The following CCDC149 variants were observed in gnomAD, a reference collection of about 807,000 sequenced individuals.
CCDC149 encodes the protein coiled-coil domain containing 149, also known as coiled-coil domain-containing protein 149.
CCDC149 carries 45 observed loss-of-function variants against 59.9 expected under a neutral mutation model. The observed-to-expected ratio is 0.75, with a 90% CI of 0.59 to 0.96. The LOEUF is 0.96. CCDC149 is among the 40% of genes least tolerant of loss of function. CCDC149 has a pLI of 0.00. For missense variants in CCDC149, 584 were observed against 664.7 expected (o/e 0.88, Z 1.33); for synonymous variants, 245 against 260.6 (o/e 0.94, Z 0.58).
At chr4:24,834,867 C>A in intron 8 of CCDC149, 81 bp downstream of exon 8, 2 of 1,040,916 alleles carry the variant, frequency 1.9e-6, no homozygotes, top group Non-Finnish European at 1.4e-6. Context: ...ACCACAAAAG[C>A]AGCAGCCTGG....
At chr4:24,939,105 G>T (rs1722870850) in intron 1 of CCDC149, among the ~76,000 whole-genome samples, 1 of 152,226 alleles carries the variant, frequency 6.6e-6, no homozygotes, top group South Asian at 2.1e-4. Flanking sequence ...CCTCAAGTGG[G>T]TCCCTGACCC....
intron 3 of CCDC149, among the ~76,000 whole-genome samples, chr4:24,856,084 C>T (rs1438489312): frequency 1.3e-5 from 2 of 152,348 alleles, no homozygotes; most frequent in African/African-American, 2.4e-5. Flanking sequence ...AGGTGGGTTA[C>T]CTCCCTCAAC....
At chr4:24,909,677 T>C (rs1721757895) in intron 1 of CCDC149, among the ~76,000 whole-genome samples, 1 of 152,188 alleles carries the variant, frequency 6.6e-6, no homozygotes, top group Non-Finnish European at 1.5e-5. Context: ...GATAATTGAA[T>C]CATGGGGCTA....
chr4:24,914,385 G>C (rs1161479585), upstream of CCDC149, among the ~76,000 whole-genome samples: 1 of 120,226 alleles, frequency 8.3e-6, no homozygotes, highest in East Asian at 2.5e-4. Context: ...TGTGTTACCA[G>C]AAAAAAAAAA....
chr4:24,874,244 G>GT lies in CCDC149; in HGVS notation c.226-526dup, dbSNP rs5856868. Among the ~76,000 whole-genome samples the GT allele has an allele frequency of 1.3e-3, 114 of 87,470 alleles. 8 individuals are homozygous for GT. Among genetic ancestry groups the GT allele is most frequent in the Middle Eastern group, 6.0e-3 (1 of 168 alleles). The allele number at this position is 87,470 out of a possible 152,430, so 57.4% of individuals were successfully genotyped here. On this transcript the variant is annotated intron_variant, in intron 2 of 12. Coordinates refer to ENST00000635206, the MANE Select transcript of CCDC149 (RefSeq NM_001330643.2). ...GAGAACTTCTAGTCCTATTAGATTT[G>GT]TTTTTTTTTTTTTTTGTTTTGTTTT... is the stretch of plus-strand genomic sequence containing the variant.
chr4:24,823,824 C>A (rs1012274297), intron 9 of CCDC149, among the ~76,000 whole-genome samples: 11 of 152,170 alleles, frequency 7.2e-5, no homozygotes, highest in African/African-American at 2.4e-4. Flanking sequence ...TTCTTTTCTT[C>A]TTTTCCCTAA....
intron 3 of CCDC149, among the ~76,000 whole-genome samples, chr4:24,872,399 C>A (rs758366222): frequency 2.6e-5 from 4 of 151,144 alleles, no homozygotes; most frequent in Non-Finnish European, 4.4e-5. Flanking sequence ...ATGTACCTAC[C>A]AAATGGTATA....
intron 1 of CCDC149, among the ~76,000 whole-genome samples, chr4:24,896,456 G>A (rs547008779): frequency 2.0e-5 from 3 of 152,314 alleles, no homozygotes; most frequent in South Asian, 2.1e-4. Flanking sequence ...AGAGTCAACC[G>A]TGGGTAGCAA....
At chr4:24,932,359 T>A (rs1427567994) in intron 1 of CCDC149, among the ~76,000 whole-genome samples, 1 of 152,124 alleles carries the variant, frequency 6.6e-6, no homozygotes, top group African/African-American at 2.4e-5. Context: ...GGAGATGTGA[T>A]TATTTCTCCT....
upstream of CCDC149, among the ~76,000 whole-genome samples, chr4:24,915,292 G>C (rs1722094051): frequency 6.6e-6 from 1 of 150,894 alleles, no homozygotes; most frequent in Admixed American, 6.6e-5. Flanking sequence ...TGGATAAATA[G>C]ACTGTAGGAA....
At chr4:24,901,522 G>A (rs571948146) in intron 1 of CCDC149, among the ~76,000 whole-genome samples, 8 of 152,196 alleles carry the variant, frequency 5.3e-5, no homozygotes, top group Admixed American at 1.3e-4. Context: ...GAATTTCCCC[G>A]CACAGGAGAG....
Position 24,819,860 on chromosome 4 carries a change from A to G in CCDC149, c.1191T>C (p.Asp397=). 1 of 1,550,340 alleles carries G rather than the reference A, an allele frequency of 6.5e-7. No homozygotes were observed. The highest frequency in any genetic ancestry group is 8.7e-7 in the Non-Finnish European group (1 of 1,145,868). ...ATGGAGAAATCGAGGCGTGCTTACCATCCTTGGGATCTGCTTTGTTCTCAG... is the reference window on the plus strand; with the variant it reads ...ATGGAGAAATCGAGGCGTGCTTACCGTCCTTGGGATCTGCTTTGTTCTCAG... The change falls in exon 12 of 13, where the codon GAT becomes GAC. Residue 397 remains aspartate, a splice_region_variant and synonymous_variant. Coordinates refer to ENST00000635206, the MANE Select transcript of CCDC149 (RefSeq NM_001330643.2).
chr4:24,893,369 T>C (rs1720636657), intron 1 of CCDC149, among the ~76,000 whole-genome samples: 1 of 152,222 alleles, frequency 6.6e-6, no homozygotes, highest in Non-Finnish European at 1.5e-5. Flanking sequence ...TTATTAATTC[T>C]GGTATTTCAT....
intron 8 of CCDC149, among the ~76,000 whole-genome samples, chr4:24,833,168 C>T (rs138652804): frequency 2.0e-5 from 3 of 150,788 alleles, no homozygotes; most frequent in Admixed American, 2.0e-4. Flanking sequence ...GATATTCCTA[C>T]CAGACATTAA....
chr4:24,913,014 C>T lies in CCDC149; in HGVS notation c.-135G>A, dbSNP rs1694308090. ...GCTGCGCCGCCGCCTCTCGCGGCCG[C>T]CAGCGCTGTTGACTCCACGTCAGCC... On this transcript the variant is annotated 5_prime_UTR_variant, in exon 1 of 13. Coordinates refer to ENST00000635206, the MANE Select transcript of CCDC149 (RefSeq NM_001330643.2). The T allele has an allele frequency of 3.1e-5, 7 of 223,214 alleles. No individual in the cohort carries two copies. In the South Asian group the frequency reaches 1.0e-3, roughly 32 times the overall value. 13.8% of individuals were successfully genotyped at this position (223,214 alleles called of 1,614,324 possible). A position where few individuals can be genotyped will look rare whatever the true frequency, so the allele number is the denominator to read the frequency against.
At chr4:24,869,339 AAGG>A (rs1268603015) in intron 3 of CCDC149, among the ~76,000 whole-genome samples, 2 of 152,162 alleles carry the variant, frequency 1.3e-5, no homozygotes, top group African/African-American at 2.4e-5. Context: ...AGGCGCAGAA[AAGG>A]AGATGAGAGC....
intron 1 of CCDC149, among the ~76,000 whole-genome samples, chr4:24,938,276 T>A (rs1273756073): frequency 6.6e-6 from 1 of 152,228 alleles, no homozygotes; most frequent in Non-Finnish European, 1.5e-5. Context: ...TATTATTTTT[T>A]TTCCTTTGGC....
chr4:24,812,564 G>A (rs183564162), intron 12 of CCDC149, among the ~76,000 whole-genome samples: 42 of 152,270 alleles, frequency 2.8e-4, no homozygotes, highest in African/African-American at 9.4e-4. Flanking sequence ...GTAATGCTTC[G>A]TAGTCACATG....
At chr4:24,956,505 CT>C (rs1723470266) in intron 1 of CCDC149, among the ~76,000 whole-genome samples, 1 of 152,156 alleles carries the variant, frequency 6.6e-6, no homozygotes, top group African/African-American at 2.4e-5. Context: ...TACCTCAGCT[CT>C]CCCCAGTATG....
Sources: allele counts gnomAD v4.1 joint callset (sites outside exome capture counted in the v4.1 genomes callset), GRCh38; gene constraint gnomAD v4.1.1; transcripts MANE v1.5; gene names NCBI Gene and HGNC (gene_info 2026-07-23, HGNC 2026-07-21).